The following PPP2R5D variants were observed in gnomAD, a reference collection of about 807,000 sequenced individuals.
The protein encoded by PPP2R5D is protein phosphatase 2 regulatory subunit B'delta.
A neutral mutation model predicts 79.1 loss-of-function variants in PPP2R5D; 12 were observed. That is an observed-to-expected ratio of 0.15 (90% CI 0.10 to 0.25). PPP2R5D has a LOEUF of 0.25. PPP2R5D is among the 10% of genes least tolerant of loss of function. PPP2R5D has a pLI of 1.00. For synonymous variants in PPP2R5D, 277 were observed against 286.6 expected, an observed-to-expected ratio of 0.97 and a Z score of 0.34; for missense variants, 419 against 760.2, an observed-to-expected ratio of 0.55 and a Z score of 5.28.
Position 43,010,878 on chromosome 6 carries a change from C to A in PPP2R5D, c.1555-3C>A. 6.2e-7 allele frequency: 1 copy of A among 1,611,824 alleles called. No homozygotes were observed. Among genetic ancestry groups the A allele is most frequent in the South Asian group, 1.1e-5 (1 of 90,922 alleles). On this transcript the variant is annotated splice_polypyrimidine_tract_variant and splice_region_variant and intron_variant, in intron 14 of 15. Coordinates refer to ENST00000485511, the MANE Select transcript of PPP2R5D (RefSeq NM_006245.4). This position sits in a 1 kb window ranked among gnomAD's most constrained non-coding sequence, Gnocchi z 4.7. ...TAACGCTTGTCCATGTCTCCTCACT[C>A]AGTATCCCATGTTCCGAGCCCCTCC...
rs539693554 is a variant in PPP2R5D, at chr6:42,991,849, C to G, written c.105+2161C>G. Among the ~76,000 whole-genome samples, 34 of 152,256 alleles carry G rather than the reference C, an allele frequency of 2.2e-4. No individual in the cohort carries two copies. In the East Asian group the frequency reaches 6.2e-3, roughly 28 times the overall value. On this transcript the variant is annotated intron_variant, in intron 2 of 15. Coordinates refer to ENST00000485511, the MANE Select transcript of PPP2R5D (RefSeq NM_006245.4). Reference sequence around the variant, plus strand: ...AACAAATATGCCTAAGACAATGGGTCTATTACAAGCAATCTGGGAAAGGAG... The same window carrying G: ...AACAAATATGCCTAAGACAATGGGTGTATTACAAGCAATCTGGGAAAGGAG...
chr6:42,985,242 C>G (rs564878604), intron 1 of PPP2R5D, among the ~76,000 whole-genome samples: 1 of 152,346 alleles, frequency 6.6e-6, no homozygotes, highest in East Asian at 1.9e-4. Flanking sequence ...CTCCTCCACC[C>G]AAATCTGGCC....
At chr6:43,005,644 A>C (rs1762033070) in intron 2 of PPP2R5D, among the ~76,000 whole-genome samples, 1 of 149,804 alleles carries the variant, frequency 6.7e-6, no homozygotes, top group Admixed American at 6.6e-5. Context: ...TTTTTGAGAC[A>C]AAGTCTCGCT....
At chr6:42,985,346 G>A (rs1453433317) in intron 1 of PPP2R5D, among the ~76,000 whole-genome samples, 1 of 152,214 alleles carries the variant, frequency 6.6e-6, no homozygotes, top group African/African-American at 2.4e-5. Flanking sequence ...GGTGCTGGAA[G>A]GGACCTCTGA....
At chr6:42,986,055 G>T (rs1349419108) in intron 1 of PPP2R5D, among the ~76,000 whole-genome samples, 1 of 152,148 alleles carries the variant, frequency 6.6e-6, no homozygotes, top group Non-Finnish European at 1.5e-5. Flanking sequence ...GGGATTACAG[G>T]TGTGAGCCAC....
chr6:42,992,281 G>A (rs182832491), intron 2 of PPP2R5D, among the ~76,000 whole-genome samples: 1,709 of 152,076 alleles, frequency 0.011, 33 homozygotes, highest in African/African-American at 0.039. Flanking sequence ...GGATGGTCTC[G>A]ATCTCCTGAC....
rs1762210806 is a variant in PPP2R5D at position 43,008,639 on chromosome 6, C to G, written c.1027-54C>G. 2 of 1,579,192 alleles carry G rather than the reference C, an allele frequency of 1.3e-6. No individual in the cohort carries two copies. The highest frequency in any genetic ancestry group is 2.7e-5 in the African/African-American group (2 of 74,214). ...GATCTTGTTTCTATCACTGACTTCT[C>G]TGAGAGCTTCTAGGACCTACACCTC... is the stretch of plus-strand genomic sequence containing the variant. On this transcript the variant is annotated intron_variant, in intron 9 of 15. Coordinates refer to ENST00000485511, the MANE Select transcript of PPP2R5D (RefSeq NM_006245.4). This position sits in a 1 kb window ranked among gnomAD's most constrained non-coding sequence, Gnocchi z 4.2.
At position 43,009,164 on chromosome 6, in the gene PPP2R5D, C is replaced by G. The variant is rs754862085; in HGVS notation, c.1188C>G (p.Phe396Leu). 3 of 1,614,146 alleles carry G rather than the reference C, an allele frequency of 1.9e-6. No homozygotes were observed. The highest frequency in any genetic ancestry group is 2.5e-6 in the Non-Finnish European group (3 of 1,180,020). Reference sequence around the variant, plus strand: ...TGGACGTCATTGAACCTTCTGAGTTCAGCAAAGTGATGGAACCCCTCTTCC... The same window carrying G: ...TGGACGTCATTGAACCTTCTGAGTTGAGCAAAGTGATGGAACCCCTCTTCC... Reference protein sequence around the residue: ...EILDVIEPSEFSKVMEPLFRQ... With the variant: ...EILDVIEPSELSKVMEPLFRQ... The change falls in exon 11 of 16, where the codon TTC (phenylalanine) becomes TTG (leucine). Residue 396 changes from phenylalanine (F) to leucine (L), a missense_variant. Physicochemically the swap from Phe to Leu is conservative, Grantham distance 22. Around this residue, in one of 5 missense-constraint regions of PPP2R5D, gnomAD observed 196 missense variants for 424.5 expected, o/e 0.46. Coordinates refer to ENST00000485511, the MANE Select transcript of PPP2R5D (RefSeq NM_006245.4). The surrounding 1 kb of genome is among the most constrained non-coding windows in gnomAD (Gnocchi z 5.6).
chr6:43,003,825 C>T (rs952965595), intron 2 of PPP2R5D, among the ~76,000 whole-genome samples: 102 of 152,170 alleles, frequency 6.7e-4, no homozygotes, highest in African/African-American at 2.3e-3. Flanking sequence ...AGCTCCGCCT[C>T]CCGGGTTCAC....
chr6:42,988,944 C>G (rs893333445), intron 1 of PPP2R5D, among the ~76,000 whole-genome samples: 1 of 152,160 alleles, frequency 6.6e-6, no homozygotes, highest in African/African-American at 2.4e-5. Flanking sequence ...GAGCCAGCTG[C>G]CAGGTTCCCA....
intron 2 of PPP2R5D, among the ~76,000 whole-genome samples, chr6:42,993,252 G>A (rs114680041): frequency 6.8e-4 from 103 of 150,970 alleles, no homozygotes; most frequent in African/African-American, 2.3e-3. Flanking sequence ...AGCCGATATT[G>A]CACCATTGCA....
intron 1 of PPP2R5D, among the ~76,000 whole-genome samples, 158 bp from the exon 2 acceptor site, chr6:42,989,453 C>T (rs774785887): frequency 6.6e-6 from 1 of 152,164 alleles, no homozygotes; most frequent in African/African-American, 2.4e-5. Flanking sequence ...TCTCCTTCTG[C>T]GTAGATCCCT....
intron 2 of PPP2R5D, among the ~76,000 whole-genome samples, chr6:42,991,415 A>G (rs1467804651): frequency 1.3e-5 from 2 of 152,210 alleles, no homozygotes; most frequent in Non-Finnish European, 2.9e-5. Context: ...GTTTCCTTAA[A>G]GCAGCCTTCT....
Position 43,006,340 on chromosome 6 carries a change from G to C in PPP2R5D, c.106-123G>C. 6.9e-7 allele frequency: 1 copy of C among 1,457,426 alleles called. No homozygotes were observed. 90.3% of individuals were successfully genotyped at this position (1,457,426 alleles called of 1,614,324 possible). ...TGTAACCCTGGCCTTAGCTCCTTCG[G>C]GGCAGGAGACAGCTGCTCACTGCCC... On this transcript the variant is annotated intron_variant, in intron 2 of 15. Transcript: ENST00000485511. This position sits in a 1 kb window ranked among gnomAD's most constrained non-coding sequence, Gnocchi z 4.7.
In PPP2R5D at chr6:42,998,058, T is replaced by A. The variant is rs1561844077; in HGVS notation, c.105+8370T>A. ...ATATATATATATATATATATATATATTTTTTTTTTTTTTTTTTTTTTTTTT... is the reference window on the plus strand; with the variant it reads ...ATATATATATATATATATATATATAATTTTTTTTTTTTTTTTTTTTTTTTT... On this transcript the variant is annotated intron_variant, in intron 2 of 15. Coordinates refer to ENST00000485511, the MANE Select transcript of PPP2R5D (RefSeq NM_006245.4). Among the ~76,000 whole-genome samples, 3 of 10,690 alleles carry A rather than the reference T, an allele frequency of 2.8e-4. 1 individual carries two copies. The highest frequency in any genetic ancestry group is 9.0e-4 in the African/African-American group (3 of 3,328). The allele number at this position is 10,690 out of a possible 152,430, so 7.0% of individuals were successfully genotyped here.
At chr6:42,985,914 A>G (rs1436251960) in intron 1 of PPP2R5D, among the ~76,000 whole-genome samples, 2 of 151,988 alleles carry the variant, frequency 1.3e-5, no homozygotes, top group African/African-American at 4.8e-5. Flanking sequence ...AGTAGCTGGA[A>G]TTACAGGCAT....
Position 42,984,766 on chromosome 6 carries a change from C to T in PPP2R5D, c.27+62C>T, listed in dbSNP as rs369195921. 33 of 1,606,194 alleles carry T rather than the reference C, an allele frequency of 2.1e-5. No individual in the cohort carries two copies. In the African/African-American group the frequency reaches 3.4e-4, roughly 16 times the overall value. ...AGCCTGCGCGGAGCTCTGGGAGGGG[C>T]CGGAGCCAGGCCCGGGACAGCCCCA... On this transcript the variant is annotated intron_variant, in intron 1 of 15. Transcript: ENST00000485511.
intron 1 of PPP2R5D, among the ~76,000 whole-genome samples, chr6:42,988,043 G>A (rs977240366): frequency 6.6e-6 from 1 of 152,068 alleles, no homozygotes; most frequent in African/African-American, 2.4e-5. Flanking sequence ...GCAGGAGCGT[G>A]CTCAGGCCAA....
intron 1 of PPP2R5D, among the ~76,000 whole-genome samples, chr6:42,985,540 C>T (rs1427036928): frequency 6.6e-6 from 1 of 152,138 alleles, no homozygotes; most frequent in African/African-American, 2.4e-5. Context: ...AGACCAGTCA[C>T]CTTTCCTAAT....
Sources: allele counts gnomAD v4.1 joint callset (sites outside exome capture counted in the v4.1 genomes callset), GRCh38; gene constraint gnomAD v4.1.1; regional missense constraint gnomAD v4.1.1; non-coding constraint Gnocchi (gnomAD v3.1); transcripts MANE v1.5; gene names NCBI Gene and HGNC (gene_info 2026-07-23, HGNC 2026-07-21).